The following ZFAT variants were observed in gnomAD, a reference collection of about 807,000 sequenced individuals.
The protein encoded by ZFAT is zinc finger and AT-hook domain containing.
In ZFAT, 64 loss-of-function variants were observed where a neutral mutation model predicts 117.7. The ratio of observed to expected loss-of-function variants is 0.54; its 90% confidence interval spans 0.44 to 0.67. ZFAT has a LOEUF of 0.67. Ranked by LOEUF, ZFAT falls within the 30% of genes least tolerant of loss-of-function variation. The pLI, the probability that ZFAT is intolerant of heterozygous loss-of-function variation, is 0.00. For synonymous variants in ZFAT, 679 were observed against 615.0 expected (o/e 1.10, Z -1.54); for missense variants, 1,433 against 1,584.5 (o/e 0.90, Z 1.62).
At chr8:134,712,343 C>T (rs924264894) in intron 1 of ZFAT, among the ~76,000 whole-genome samples, 5 of 152,194 alleles carry the variant, frequency 3.3e-5, no homozygotes, top group Admixed American at 3.3e-4. Flanking sequence ...TGAAGGACCC[C>T]AAGCTCAAGG....
intron 8 of ZFAT, among the ~76,000 whole-genome samples, chr8:134,589,483 G>A (rs1361911722): frequency 6.6e-6 from 1 of 152,234 alleles, no homozygotes; most frequent in African/African-American, 2.4e-5. Flanking sequence ...TTTAGAAGAA[G>A]TACCTGTTAC....
chr8:134,718,872 G>A, the ZFAT span, among the ~76,000 whole-genome samples: 3 of 152,326 alleles, frequency 2.0e-5, no homozygotes, highest in East Asian at 5.8e-4. Flanking sequence ...ACGACTAGAG[G>A]GCTGGTTAAA....
chr8:134,522,261 A>G (rs1277121176), intron 12 of ZFAT, among the ~76,000 whole-genome samples: 1 of 152,236 alleles, frequency 6.6e-6, no homozygotes, highest in African/African-American at 2.4e-5. Context: ...TGCTACCCAC[A>G]GTGCCAGATC....
chr8:134,696,346 G>A (rs965098385), intron 1 of ZFAT: 115 of 979,438 alleles, frequency 1.2e-4, no homozygotes, highest in Non-Finnish European at 1.3e-4. Context: ...AGGCGACCAG[G>A]AGTGGAGAAC....
upstream of ZFAT, among the ~76,000 whole-genome samples, chr8:134,713,680 G>T (rs114770041): frequency 4.2e-3 from 641 of 152,230 alleles, 5 homozygotes; most frequent in African/African-American, 0.015. Context: ...ACAGCCTTCG[G>T]CAGGCAGCTG....
intron 11 of ZFAT, among the ~76,000 whole-genome samples, chr8:134,553,661 T>C (rs7008121): frequency 0.35 from 52,493 of 152,044 alleles, 9,368 homozygotes; most frequent in East Asian, 0.67. Context: ...AGGACAGTCC[T>C]GTGATGAAAA....
At chr8:134,746,224 CT>C in the ZFAT span, among the ~76,000 whole-genome samples, 1 of 152,226 alleles carries the variant, frequency 6.6e-6, no homozygotes, top group Non-Finnish European at 1.5e-5. Context: ...CATGTTCTCT[CT>C]AGGACTAAAT....
intron 1 of ZFAT, chr8:134,696,385 A>T (rs1204116293): frequency 2.0e-6 from 2 of 985,488 alleles, no homozygotes; most frequent in Non-Finnish European, 2.4e-6. Flanking sequence ...ACCACCCAGG[A>T]ATCAACAGGA....
the ZFAT span, among the ~76,000 whole-genome samples, chr8:134,807,308 C>T: frequency 6.6e-6 from 1 of 152,076 alleles, no homozygotes; most frequent in African/African-American, 2.4e-5. Context: ...CAATCCAGAA[C>T]GAATACAAGC....
the ZFAT span, among the ~76,000 whole-genome samples, chr8:134,763,764 G>A: frequency 1.3e-5 from 2 of 152,148 alleles, no homozygotes; most frequent in Non-Finnish European, 2.9e-5. Context: ...TCCGAGTCAG[G>A]TATTATTCCT....
chr8:134,478,375 A>C lies in ZFAT; in HGVS notation c.*107T>G. 6.9e-7 allele frequency: 1 copy of C among 1,459,086 alleles called. No homozygotes were observed. The highest frequency in any genetic ancestry group is 1.4e-5 in the South Asian group (1 of 72,916). 90.4% of individuals were successfully genotyped at this position (1,459,086 alleles called of 1,614,324 possible). On this transcript the variant is annotated 3_prime_UTR_variant, in exon 16 of 16. Coordinates refer to ENST00000377838, the MANE Select transcript of ZFAT (RefSeq NM_020863.4). The surrounding 1 kb of genome is among the most constrained non-coding windows in gnomAD (Gnocchi z 5.2). The stretch of plus-strand genomic sequence containing the variant: ...ATCAGGCTGCTGGGCAGGGAGGGCA[A>C]AGGAGAGCACCATTCTGCGGGTAGG...
intron 10 of ZFAT, among the ~76,000 whole-genome samples, chr8:134,582,257 T>TG (rs1825763948): frequency 6.6e-6 from 1 of 152,202 alleles, no homozygotes; most frequent in African/African-American, 2.4e-5. Context: ...GGCTTCTATC[T>TG]GCTCAAAGGC....
the ZFAT span, among the ~76,000 whole-genome samples, chr8:134,761,978 C>CTGTGTGTGTGTG: frequency 2.8e-5 from 2 of 71,204 alleles, no homozygotes; most frequent in Non-Finnish European, 5.1e-5. Context: ...CTCTTTCTCT[C>CTGTGTGTGTGTG]TGTATGTGTG....
At chr8:134,729,544 A>C in the ZFAT span, among the ~76,000 whole-genome samples, 1 of 152,156 alleles carries the variant, frequency 6.6e-6, no homozygotes, top group Non-Finnish European at 1.5e-5. Flanking sequence ...CGTGTTAGCC[A>C]GGATGGTCTC....
At chr8:134,563,213 T>A (rs1002867420) in intron 11 of ZFAT, among the ~76,000 whole-genome samples, 1 of 152,154 alleles carries the variant, frequency 6.6e-6, no homozygotes, top group African/African-American at 2.4e-5. Context: ...GACATATGAG[T>A]CCTACCTAAG....
the ZFAT span, among the ~76,000 whole-genome samples, chr8:134,812,368 T>C: frequency 6.6e-6 from 1 of 152,226 alleles, no homozygotes; most frequent in Non-Finnish European, 1.5e-5. Flanking sequence ...AAATCCTATT[T>C]ATCCTTCAAG....
At chr8:134,771,457 C>A in the ZFAT span, among the ~76,000 whole-genome samples, 2 of 152,200 alleles carry the variant, frequency 1.3e-5, no homozygotes, top group Non-Finnish European at 2.9e-5. Context: ...AGGGCAGGGG[C>A]AAAATGCTGC....
chr8:134,759,833 T>C, the ZFAT span, among the ~76,000 whole-genome samples: 1 of 151,498 alleles, frequency 6.6e-6, no homozygotes, highest in Non-Finnish European at 1.5e-5. Flanking sequence ...TAGCTGGATG[T>C]GATGGCAGGC....
chr8:134,608,942 G>A (rs773678070), intron 4 of ZFAT, 63 bp from the exon 5 acceptor site: 80 of 1,536,830 alleles, frequency 5.2e-5, no homozygotes, highest in East Asian at 4.9e-4. Context: ...TGACCCCATC[G>A]CAGCAGAGGG....
Sources: allele counts gnomAD v4.1 joint callset (sites outside exome capture counted in the v4.1 genomes callset), GRCh38; gene constraint gnomAD v4.1.1; non-coding constraint Gnocchi (gnomAD v3.1); transcripts MANE v1.5; gene names NCBI Gene and HGNC (gene_info 2026-07-23, HGNC 2026-07-21).